NIN: variants seen among roughly 807,000 people sequenced by gnomAD.
NIN encodes the protein ninein.
Under a neutral mutation model 257.6 loss-of-function variants are expected in NIN, and 137 were observed. The ratio of observed to expected loss-of-function variants is 0.53; its 90% CI spans 0.46 to 0.61. The LOEUF (loss-of-function observed/expected upper bound fraction) is 0.61, where lower values mean the gene tolerates loss of function less well. Ranked by LOEUF, NIN falls within the 20% of genes least tolerant of loss-of-function variation. The pLI is 0.00. For synonymous variants in NIN, 918 were observed against 919.8 expected, an observed-to-expected ratio of 1.00 and a Z score of 0.04; for missense variants, 2,439 against 2,501.2, an observed-to-expected ratio of 0.98 and a Z score of 0.53.
rs545334326 is a variant in NIN, at chr14:50,773,059, C to T, written c.703G>A (p.Gly235Ser). Residue 235 changes from glycine to serine, a missense_variant, in exon 8 of 31, where the codon GGT (glycine) becomes AGT (serine). Gly to Ser is a moderately conservative substitution (Grantham distance 56). Around this residue, in one of 3 missense-constraint regions of NIN, gnomAD observed 387 missense variants for 427.3 expected, o/e 0.91. Coordinates refer to ENST00000530997, the MANE Select transcript of NIN (RefSeq NM_020921.4). ...AAAAAATCTTCTACACTCATTGTAC[C>T]GTCAGGATCAAGATTATGGAATACT... is the stretch of plus-strand genomic sequence containing the variant. The part of the protein sequence containing the change: ...EEVFHNLDPD[G>S]TMSVEDFFYG... 1.6e-5 allele frequency: 25 copies of T among 1,612,524 alleles called. No individual in the cohort carries two copies. Among genetic ancestry groups the T allele is most frequent in the Admixed American group, 3.3e-5 (2 of 59,914 alleles).
At chr14:50,771,928 G>A (rs1000902972) in intron 9 of NIN, 12 of 179,730 alleles carry the variant, frequency 6.7e-5, no homozygotes, top group Non-Finnish European at 1.4e-4. Flanking sequence ...GGAGGTTGCA[G>A]TGAGCCGAGA....
chr14:50,723,421 T>A lies in NIN; in HGVS notation c.*42A>T. ...GAGAACCTACTGAAATGTTCATCTA[T>A]TTCAGTAAAGTGCACAAATATGAGT... On this transcript the variant is annotated 3_prime_UTR_variant, in exon 31 of 31. Coordinates refer to ENST00000530997, the MANE Select transcript of NIN (RefSeq NM_020921.4). The A allele has an allele frequency of 6.4e-7, 1 of 1,551,898 alleles. No homozygotes were observed. The highest frequency in any genetic ancestry group is 1.1e-5 in the South Asian group (1 of 88,916).
Position 50,762,591 on chromosome 14 carries a change from G to A in NIN, c.1775-680C>T, listed in dbSNP as rs2042316270. The stretch of plus-strand genomic sequence containing the variant: ...GTTAGGAACCAGGATACAGGCAGTT[G>A]TGGGTAGAAATTCTTAACTCATGCA... On this transcript the variant is annotated intron_variant, in intron 15 of 30. Transcript: ENST00000530997. 2.0e-5 allele frequency among the ~76,000 whole-genome samples: 3 copies of A among 152,316 alleles called. No homozygotes were observed. In the South Asian group the frequency reaches 6.2e-4, roughly 32 times the overall value.
rs1566818733 is a variant in NIN at position 50,761,834 on chromosome 14, G to A, written c.1852C>T (p.His618Tyr). 1 of 1,614,098 alleles carries A rather than the reference G, an allele frequency of 6.2e-7. No homozygotes were observed. The change falls in exon 16 of 31, where the codon CAT becomes TAT. Residue 618 changes from histidine (H) to tyrosine (Y), a missense_variant. This residue lies in a region of NIN where 2,043 missense variants were observed against 2,050.2 expected (regional missense o/e 1.00). Coordinates refer to ENST00000530997, the MANE Select transcript of NIN (RefSeq NM_020921.4). The part of the protein sequence containing the change: ...ELVIEQMKEQ[H>Y]HRDICCLRLE... ...CTGAGGCAACATATGTCCCTGTGAT[G>A]TTGTTCTTTCATCTGTTCAATGACC... is the stretch of plus-strand genomic sequence containing the variant.
chr14:50,787,254 C>T (rs1444674653), intron 5 of NIN, among the ~76,000 whole-genome samples: 1 of 152,212 alleles, frequency 6.6e-6, no homozygotes, highest in Non-Finnish European at 1.5e-5. Flanking sequence ...TCAACCAGGG[C>T]AGAAAGCAAA....
In NIN at chr14:50,739,735, C is replaced by T. The variant is rs3015466; in HGVS notation, c.5449-248G>A. Reference sequence around the variant, plus strand: ...AATGGTCTTTGACAAAACAGCCATGCCATGTCCAATAATGAATATGACTGT... The same window carrying T: ...AATGGTCTTTGACAAAACAGCCATGTCATGTCCAATAATGAATATGACTGT... On this transcript the variant is annotated intron_variant, in intron 25 of 30. Coordinates refer to ENST00000530997, the MANE Select transcript of NIN (RefSeq NM_020921.4). Among the ~76,000 whole-genome samples the T allele has an allele frequency of 0.78, 119,180 of 152,246 alleles. 47,158 individuals are homozygous for T. Among genetic ancestry groups the T allele is most frequent in the African/African-American group, 0.89 (37,004 of 41,566 alleles).
intron 5 of NIN, among the ~76,000 whole-genome samples, chr14:50,783,844 T>C (rs1276369743): frequency 6.6e-6 from 1 of 152,094 alleles, no homozygotes; most frequent in African/African-American, 2.4e-5. Context: ...AAGGGTCCTT[T>C]AATTGCTGAT....
intron 29 of NIN, chr14:50,727,767 A>T (rs2040483449): frequency 5.6e-6 from 8 of 1,419,828 alleles, no homozygotes; most frequent in Non-Finnish European, 6.6e-6. Context: ...GAAAGAAGGC[A>T]AGTAGTACAC....
intron 5 of NIN, chr14:50,792,302 C>G (rs1182274071): frequency 6.0e-6 from 1 of 165,732 alleles, no homozygotes; most frequent in African/African-American, 2.4e-5. Flanking sequence ...TGCCTGAACG[C>G]GTTGCTTTCA....
chr14:50,757,435 G>C lies in NIN; in HGVS notation c.3595C>G (p.Gln1199Glu). Residue 1199 changes from glutamine (Q) to glutamate (E), a missense_variant, in exon 18 of 31, where the codon CAG (glutamine) becomes GAG (glutamate). Gln to Glu is a conservative substitution (Grantham distance 29). Transcript: ENST00000530997. ...TRTESWELKN[Q>E]ISQLQEQLMM... ...AGCTGTTCCTGAAGCTGACTAATCT[G>C]ATTCTTCAGCTCCCAGGATTCAGTC... is the stretch of plus-strand genomic sequence containing the variant. The C allele has an allele frequency of 6.2e-7, 1 of 1,614,126 alleles. No individual in the cohort carries two copies. The highest frequency in any genetic ancestry group is 8.5e-7 in the Non-Finnish European group (1 of 1,180,038).
intron 3 of NIN, among the ~76,000 whole-genome samples, chr14:50,816,987 T>A (rs1026408947): frequency 2.0e-5 from 3 of 152,210 alleles, no homozygotes; most frequent in African/African-American, 7.2e-5. Flanking sequence ...CAAAGCAAGT[T>A]GAGCAGTCTC....
chr14:50,789,418 C>T (rs2043486254), intron 5 of NIN, among the ~76,000 whole-genome samples: 1 of 152,070 alleles, frequency 6.6e-6, no homozygotes, highest in African/African-American at 2.4e-5. Flanking sequence ...ACTAGAAATA[C>T]AAAAATTAGC....
In NIN at chr14:50,752,502, T is replaced by C. The variant is rs201536399; in HGVS notation, c.4950+16A>G. 5.7e-6 allele frequency: 9 copies of C among 1,577,824 alleles called. No individual in the cohort carries two copies. Among genetic ancestry groups the C allele is most frequent in the Middle Eastern group, 1.7e-4 (1 of 5,968 alleles). On this transcript the variant is annotated intron_variant, in intron 21 of 30. Transcript: ENST00000530997. ...GATTTCCTCAAAAAAAGCTGTCAGGTGGCTACAGGCCATACCTGCACTTTA... is the reference window on the plus strand; with the variant it reads ...GATTTCCTCAAAAAAAGCTGTCAGGCGGCTACAGGCCATACCTGCACTTTA...
intron 5 of NIN, 77 bp downstream of exon 5, chr14:50,792,635 C>A: frequency 6.6e-7 from 1 of 1,523,608 alleles, no homozygotes; most frequent in Non-Finnish European, 9.0e-7. Flanking sequence ...ACCCCCTCAG[C>A]TCCCCTGTCT....
intron 30 of NIN, among the ~76,000 whole-genome samples, chr14:50,725,305 T>C (rs1336070037): frequency 6.6e-6 from 1 of 152,058 alleles, no homozygotes; most frequent in Non-Finnish European, 1.5e-5. Context: ...GGTAGTACTT[T>C]CTGCTTGTCT....
chr14:50,752,436 G>T, intron 21 of NIN, 82 bp downstream of exon 21: 1 of 1,047,712 alleles, frequency 9.5e-7, no homozygotes, highest in Non-Finnish European at 1.5e-6. Flanking sequence ...AAGGCTTTAT[G>T]TTTAAGGAAG....
At chr14:50,756,157 TAA>T (rs34167631) in intron 18 of NIN, among the ~76,000 whole-genome samples, 2 of 147,568 alleles carry the variant, frequency 1.4e-5, no homozygotes, top group African/African-American at 5.0e-5. Context: ...CTTAGCAAAA[TAA>T]AAAAAAAAAA....
intron 3 of NIN, among the ~76,000 whole-genome samples, chr14:50,817,017 T>C (rs1172241896): frequency 6.6e-6 from 1 of 152,178 alleles, no homozygotes; most frequent in African/African-American, 2.4e-5. Flanking sequence ...TCTTCTTGTT[T>C]ATCAATGGGG....
Position 50,720,444 on chromosome 14 carries a change from TAG to T in NIN, c.*3017_*3018del, listed in dbSNP as rs961934630. On this transcript the variant is annotated 3_prime_UTR_variant, in exon 31 of 31. Transcript: ENST00000530997. ...AAAAGCAAAGTCTGCCATAAACCCT[TAG>T]AGAAGAAACAGTTTCTCATAATATC... 4.8e-6 allele frequency: 1 copy of T among 210,510 alleles called. No individual in the cohort carries two copies. The highest frequency in any genetic ancestry group is 2.3e-5 in the African/African-American group (1 of 44,062). The allele number at this position is 210,510 out of a possible 1,614,324, so 13.0% of individuals were successfully genotyped here.
Sources: allele counts gnomAD v4.1 joint callset (sites outside exome capture counted in the v4.1 genomes callset), GRCh38; gene constraint gnomAD v4.1.1; regional missense constraint gnomAD v4.1.1; transcripts MANE v1.5; gene names NCBI Gene and HGNC (gene_info 2026-07-23, HGNC 2026-07-21).